Variants in SLC44A2 observed in about 807,000 individuals in gnomAD.
SLC44A2 encodes choline transporter-like protein 2.
A neutral mutation model predicts 90.8 loss-of-function variants in SLC44A2; 57 were observed. That is an observed-to-expected ratio of 0.63 (90% confidence interval 0.51 to 0.78). SLC44A2 has a LOEUF of 0.78. Among genes scored for constraint, SLC44A2 ranks in the 30% least tolerant of loss-of-function variants. The probability of loss-of-function intolerance (pLI) is 0.00; values close to 1 mark genes in which losing one functional copy is unlikely to be tolerated. For missense variants in SLC44A2, 794 were observed against 919.7 expected (o/e 0.86, Z 1.77); for synonymous variants, 355 against 360.7 (o/e 0.98, Z 0.18).
chr19:10,614,122 C>T (rs888927445), intron 1 of SLC44A2, among the ~76,000 whole-genome samples: 1 of 151,884 alleles, frequency 6.6e-6, no homozygotes, highest in South Asian at 2.1e-4. Flanking sequence ...CACACCACCA[C>T]GCCCAGCTAA....
At chr19:10,630,342 C>T (rs537515006) in intron 4 of SLC44A2, among the ~76,000 whole-genome samples, 15 of 151,760 alleles carry the variant, frequency 9.9e-5, no homozygotes, top group Admixed American at 6.6e-4. Context: ...CAGAGAAAGA[C>T]TCTTGTCTCA....
chr19:10,629,261 C>CTATTATTATTATTATTATTATTATTAT lies in SLC44A2; in HGVS notation c.245+1277_245+1278insTTATTATTATTATTATTATTATTATTA, dbSNP rs6146468. Among the ~76,000 whole-genome samples, 106 of 144,376 alleles carry CTATTATTATTATTATTATTATTATTAT rather than the reference C, an allele frequency of 7.3e-4. 1 individual carries two copies. Among genetic ancestry groups the CTATTATTATTATTATTATTATTATTAT allele is most frequent in the African/African-American group, 2.6e-3 (103 of 39,312 alleles). 94.7% of individuals were successfully genotyped at this position (144,376 alleles called of 152,430 possible). ...AGTTGCTGATGCTGCAGTTTTTAAA[C>CTATTATTATTATTATTATTATTATTAT]TATTATTATTATTATTATTACTATT... On this transcript the variant is annotated intron_variant, in intron 4 of 21. Transcript: ENST00000335757.
At chr19:10,622,120 G>C (rs1350228019), upstream of SLC44A2, among the ~76,000 whole-genome samples, 2 of 152,218 alleles carry the variant, frequency 1.3e-5, no homozygotes, top group East Asian at 3.9e-4. Context: ...TCTGAGAGAA[G>C]AGCATTCTAA....
rs577308703 is a variant in SLC44A2, at chr19:10,636,588, G to A, written c.1496+3G>A. ...TCTGCCTTTGGCCGGGCGCTCAGGT[G>A]GGCTGGCGTTGCAGGCAGGATGGGG... On this transcript the variant is annotated splice_donor_region_variant and intron_variant, in intron 15 of 21. Coordinates refer to ENST00000335757, the MANE Select transcript of SLC44A2 (RefSeq NM_020428.4). 1 of 1,604,280 alleles carries A rather than the reference G, an allele frequency of 6.2e-7. No individual in the cohort carries two copies. The highest frequency in any genetic ancestry group is 2.2e-5 in the East Asian group (1 of 44,736).
At chr19:10,630,227 C>T (rs372108682) in intron 4 of SLC44A2, among the ~76,000 whole-genome samples, 10 of 152,120 alleles carry the variant, frequency 6.6e-5, no homozygotes, top group East Asian at 3.9e-4. Flanking sequence ...TGCGCACACC[C>T]GTAGTCTCAG....
upstream of SLC44A2, among the ~76,000 whole-genome samples, chr19:10,623,114 C>G (rs2066904318): frequency 1.3e-5 from 2 of 151,878 alleles, no homozygotes; most frequent in Non-Finnish European, 2.9e-5. Flanking sequence ...GCCTGTGGCT[C>G]GCTCTCTTTG....
intron 1 of SLC44A2, among the ~76,000 whole-genome samples, chr19:10,616,363 T>A (rs74761821): frequency 0.065 from 9,944 of 152,124 alleles, 385 homozygotes; most frequent in Non-Finnish European, 0.093. Context: ...CGCAAGTAGC[T>A]GGGACTACAA....
In SLC44A2 at chr19:10,642,223, G is replaced by A. The variant is rs917974903; in HGVS notation, c.1930-144G>A. 36 of 651,244 alleles carry A rather than the reference G, an allele frequency of 5.5e-5. No homozygotes were observed. In the East Asian group the frequency reaches 6.9e-4, roughly 12 times the overall value. The allele number at this position is 651,244 out of a possible 1,614,324, so 40.3% of individuals were successfully genotyped here. On this transcript the variant is annotated intron_variant, in intron 20 of 21. Transcript: ENST00000335757. ...GTGTGGATGGTGGGGCCCTGCCAGC[G>A]GGGGTGAGGGGTTGGGATGTCACTA...
chr19:10,617,022 T>C (rs2066860585), intron 1 of SLC44A2, among the ~76,000 whole-genome samples: 1 of 152,070 alleles, frequency 6.6e-6, no homozygotes. Context: ...CCCGGGTTCA[T>C]GCCATTCTCC....
chr19:10,632,729 A>G (rs893151122), intron 10 of SLC44A2, among the ~76,000 whole-genome samples: 3 of 147,300 alleles, frequency 2.0e-5, no homozygotes, highest in East Asian at 2.1e-4. Flanking sequence ...CTGGAGTGCC[A>G]TGGCGCGATC....
At chr19:10,624,385 C>A (rs1452932008), upstream of SLC44A2, among the ~76,000 whole-genome samples, 1 of 152,118 alleles carries the variant, frequency 6.6e-6, no homozygotes, top group Non-Finnish European at 1.5e-5. Flanking sequence ...CTCACTGCAA[C>A]CTCCACCTCC....
chr19:10,634,009 C>T (rs868108044), intron 10 of SLC44A2, among the ~76,000 whole-genome samples: 123 of 141,166 alleles, frequency 8.7e-4, no homozygotes, highest in African/African-American at 3.1e-3. Context: ...CTCTCACTGT[C>T]GCCCAGGCTG....
At chr19:10,643,070 G>T (rs2067135795) in intron 21 of SLC44A2, 2 of 1,472,996 alleles carry the variant, frequency 1.4e-6, no homozygotes, top group Non-Finnish European at 1.8e-6. Context: ...TAGACTGGGG[G>T]TGCATGAAGC....
chr19:10,617,954 C>T (rs1326791329), intron 1 of SLC44A2, among the ~76,000 whole-genome samples: 2 of 152,136 alleles, frequency 1.3e-5, no homozygotes, highest in Non-Finnish European at 2.9e-5. Context: ...TATGCTTTCC[C>T]TTCATACTTG....
rs1274489567 is a variant in SLC44A2, at chr19:10,642,435, G to C, written c.1998G>C (p.Thr666=). ...GCGTCTATGGCATGTGTGTGGACAC[G>C]CTGTTCCTCTGCTTCTGTGAGTGAC... The part of the protein sequence containing the change: ...FFSVYGMCVD[T]LFLCFLEDLE... The change falls in exon 21 of 22, where the codon ACG becomes ACC. Residue 666 remains threonine (T), a synonymous_variant. Transcript: ENST00000335757. 1 of 1,614,006 alleles carries C rather than the reference G, an allele frequency of 6.2e-7. No homozygotes were observed. Among genetic ancestry groups the C allele is most frequent in the African/African-American group, 1.3e-5 (1 of 74,912 alleles).
chr19:10,633,277 A>G (rs1206417626), intron 10 of SLC44A2, among the ~76,000 whole-genome samples: 1 of 149,326 alleles, frequency 6.7e-6, no homozygotes, highest in African/African-American at 2.5e-5. Context: ...CAATTTTCCT[A>G]CCTCGCCTCC....
rs114120089 is a variant in SLC44A2 at position 10,606,044 on chromosome 19, T to A, written c.31+3483T>A. On this transcript the variant is annotated intron_variant, in intron 1 of 21. Transcript: ENST00000407327. ...GCTGGGCAGTCGCTGATGCCTATAATTCCAGCACTTTGGGAGTCCCAGGTG... is the reference window on the plus strand; with the variant it reads ...GCTGGGCAGTCGCTGATGCCTATAAATCCAGCACTTTGGGAGTCCCAGGTG... Among the ~76,000 whole-genome samples the A allele has an allele frequency of 8.4e-3, 1,285 of 152,208 alleles. 20 individuals are homozygous for A. The highest frequency in any genetic ancestry group is 0.029 in the African/African-American group (1,203 of 41,532).
At position 10,643,335 on chromosome 19, in the gene SLC44A2, A is replaced by G; in HGVS notation, c.2071A>G (p.Thr691Ala). 6.2e-7 allele frequency: 1 copy of G among 1,612,434 alleles called. No individual in the cohort carries two copies. The highest frequency in any genetic ancestry group is 8.5e-7 in the Non-Finnish European group (1 of 1,179,168). The part of the protein sequence containing the change: ...SAERPYFMSS[T>A]LKKLLNKTNK... ...CGAGAGGCCTTACTTCATGTCTTCC[A>G]CCCTCAAGAAACTCTTGAACAAGAC... Residue 691 changes from threonine (T) to alanine (A), a missense_variant, in exon 22 of 22, where the codon ACC (threonine) becomes GCC (alanine). Physicochemically the swap from Thr to Ala is moderately conservative, Grantham distance 58. Coordinates refer to ENST00000335757, the MANE Select transcript of SLC44A2 (RefSeq NM_020428.4).
At chr19:10,602,604 G>C in intron 1 of SLC44A2, 1 of 1,249,170 alleles carries the variant, frequency 8.0e-7, no homozygotes, top group Non-Finnish European at 1.0e-6. Flanking sequence ...GCTGACCTGC[G>C]GGTGGGAGGA....
Sources: gnomAD v4.1 joint callset for allele counts (sites outside exome capture counted in the v4.1 genomes callset) on GRCh38, gnomAD v4.1.1 for gene constraint, MANE v1.5 for transcripts, NCBI Gene and HGNC (gene_info 2026-07-23, HGNC 2026-07-21) for gene names.